The following CNIH3 variants were observed in gnomAD, a reference collection of about 807,000 sequenced individuals.
CNIH3 encodes the protein cornichon family AMPA receptor auxiliary protein 3.
Under a neutral mutation model 24.1 loss-of-function variants are expected in CNIH3, and 14 were observed. The ratio of observed to expected loss-of-function variants is 0.58; its 90% CI spans 0.38 to 0.91. The LOEUF is 0.91. Among genes scored for constraint, CNIH3 ranks in the 40% least tolerant of loss-of-function variants. The pLI, the probability that CNIH3 is intolerant of heterozygous loss-of-function variation, is 0.00. For missense variants in CNIH3, 178 were observed against 196.8 expected, an observed-to-expected ratio of 0.90 and a Z score of 0.57; for synonymous variants, 68 against 73.8, an observed-to-expected ratio of 0.92 and a Z score of 0.40.
chr1:224,501,369 A>G (rs1163479128), intron 1 of CNIH3, among the ~76,000 whole-genome samples: 2 of 152,036 alleles, frequency 1.3e-5, no homozygotes, highest in Non-Finnish European at 2.9e-5. Context: ...AATCTCATTT[A>G]ATCTTGACAA....
chr1:224,735,809 C>G (rs933537891), intron 5 of CNIH3, among the ~76,000 whole-genome samples: 19 of 151,792 alleles, frequency 1.3e-4, no homozygotes, highest in Non-Finnish European at 2.5e-4. Context: ...TGTCACCATG[C>G]CCGGCTATAT....
At chr1:224,549,340 G>A (rs1679824848) in intron 3 of CNIH3, among the ~76,000 whole-genome samples, 1 of 151,884 alleles carries the variant, frequency 6.6e-6, no homozygotes, top group African/African-American at 2.4e-5. Flanking sequence ...AAACACACTA[G>A]ATATTATAGA....
At chr1:224,508,686 A>G (rs1217314441) in intron 1 of CNIH3, among the ~76,000 whole-genome samples, 4 of 152,218 alleles carry the variant, frequency 2.6e-5, no homozygotes, top group Non-Finnish European at 5.9e-5. Flanking sequence ...AGTATCAAAT[A>G]TATCTTTAAT....
In CNIH3 at chr1:224,452,230, A is replaced by G. The variant is rs554097129; in HGVS notation, n.203+17368A>G. Among the ~76,000 whole-genome samples, 4 of 151,058 alleles carry G rather than the reference A, an allele frequency of 2.6e-5. No homozygotes were observed. The East Asian group carries it at 7.9e-4, about 30-fold the overall frequency. On this transcript the variant is annotated intron_variant and non_coding_transcript_variant, in intron 1 of 5. Coordinates refer to the CNIH3 transcript ENST00000471578. ...GGTGGCGCGATCTCGGTTCACTGCA[A>G]CCTTCGCCTCCCGGGTTCAAGTGAT...
intron 3 of CNIH3, among the ~76,000 whole-genome samples, chr1:224,724,527 G>A (rs966781342): frequency 4.6e-5 from 7 of 152,306 alleles, no homozygotes; most frequent in South Asian, 2.1e-4. Flanking sequence ...TACTGACTTC[G>A]TCCGGGGCAT....
At chr1:224,529,508 C>G (rs712073) in intron 2 of CNIH3, 47,954 of 151,962 alleles carry the variant, frequency 0.32, 10,430 homozygotes, top group African/African-American at 0.62. Context: ...TATCAAAGTA[C>G]TCAATATTAG....
downstream of CNIH3, among the ~76,000 whole-genome samples, chr1:224,593,508 G>T (rs898582921): frequency 2.0e-5 from 3 of 152,158 alleles, no homozygotes; most frequent in Admixed American, 2.0e-4. Context: ...TTCCCAACTA[G>T]CTTGTCATCT....
intron 4 of CNIH3, among the ~76,000 whole-genome samples, chr1:224,570,059 C>T (rs1424105063): frequency 6.6e-6 from 1 of 152,206 alleles, no homozygotes; most frequent in Non-Finnish European, 1.5e-5. Context: ...GCTGGGATTA[C>T]AGGCTTGAGC....
intron 5 of CNIH3, among the ~76,000 whole-genome samples, chr1:224,735,151 C>A (rs1689531788): frequency 6.6e-6 from 1 of 152,188 alleles, no homozygotes; most frequent in Non-Finnish European, 1.5e-5. Flanking sequence ...CCAAACTCCC[C>A]ACCCCAGCCC....
intron 4 of CNIH3, among the ~76,000 whole-genome samples, chr1:224,572,896 T>C (rs968177188): frequency 6.6e-5 from 10 of 152,214 alleles, no homozygotes; most frequent in African/African-American, 2.4e-4. Context: ...TCTTGCTCTG[T>C]TGCCTAGACT....
intron 1 of CNIH3, among the ~76,000 whole-genome samples, chr1:224,444,131 G>T (rs1675044719): frequency 6.6e-6 from 1 of 151,956 alleles, no homozygotes; most frequent in African/African-American, 2.4e-5. Context: ...AGTAAATCCA[G>T]GATATTATTT....
intron 1 of CNIH3, among the ~76,000 whole-genome samples, chr1:224,662,222 A>G (rs1455032801): frequency 6.6e-6 from 1 of 152,246 alleles, no homozygotes; most frequent in African/African-American, 2.4e-5. Context: ...AAGTTCACTT[A>G]TAGCAATTAT....
rs1446659664 is a variant in CNIH3, at chr1:224,616,698, TGCGCCCCGGTG to T, written c.-472_-462del. ...GGCACCTCGCTGGACACTATCCGTT[TGCGCCCCGGTG>T]GCGCGGGAGGGTCCGGAGCGGAGCG... On this transcript the variant is annotated 5_prime_UTR_variant, in exon 1 of 6. Transcript: ENST00000272133. 1.0e-6 allele frequency: 1 copy of T among 991,984 alleles called. No homozygotes were observed. The highest frequency in any genetic ancestry group is 1.7e-5 in the African/African-American group (1 of 57,348). 61.4% of individuals were successfully genotyped at this position (991,984 alleles called of 1,614,324 possible).
intron 1 of CNIH3, among the ~76,000 whole-genome samples, chr1:224,641,855 C>CA (rs1387886796): frequency 2.6e-5 from 4 of 152,198 alleles, no homozygotes; most frequent in African/African-American, 9.6e-5. Flanking sequence ...CTGGTGCTCC[C>CA]AGGCCCCCAC....
chr1:224,661,323 T>C (rs983843733), intron 1 of CNIH3: 1 of 295,492 alleles, frequency 3.4e-6, no homozygotes, highest in Non-Finnish European at 7.0e-6. Context: ...TAGAAGTTGA[T>C]ACACATTTGA....
intron 1 of CNIH3, among the ~76,000 whole-genome samples, chr1:224,510,048 C>T (rs1678077908): frequency 6.6e-6 from 1 of 152,186 alleles, no homozygotes; most frequent in Non-Finnish European, 1.5e-5. Flanking sequence ...CCCGTGGGCT[C>T]CTAGCAGTGT....
chr1:224,536,848 G>A (rs768627205), intron 2 of CNIH3: 17 of 152,364 alleles, frequency 1.1e-4, no homozygotes, highest in South Asian at 4.1e-4. Context: ...TTGGGAAGAT[G>A]ACTGGACTCA....
intron 1 of CNIH3, among the ~76,000 whole-genome samples, chr1:224,500,507 A>G (rs1390710542): frequency 6.6e-6 from 1 of 152,068 alleles, no homozygotes; most frequent in African/African-American, 2.4e-5. Flanking sequence ...CTCTATCTCT[A>G]CCAAAAATAC....
At chr1:224,449,392 T>C (rs1324617670) in intron 1 of CNIH3, among the ~76,000 whole-genome samples, 1 of 152,210 alleles carries the variant, frequency 6.6e-6, no homozygotes, top group African/African-American at 2.4e-5. Flanking sequence ...CCATTGCCAC[T>C]AATAGTTTGG....
Sources: allele counts gnomAD v4.1 joint callset (sites outside exome capture counted in the v4.1 genomes callset), GRCh38; gene constraint gnomAD v4.1.1; transcripts MANE v1.5; gene names NCBI Gene and HGNC (gene_info 2026-07-23, HGNC 2026-07-21).